The following CTNND2 variants were observed in gnomAD, a reference collection of about 807,000 sequenced individuals.
CTNND2 encodes the protein catenin delta 2, also known as catenin delta-2.
Under a neutral mutation model 144.4 loss-of-function variants are expected in CTNND2, and 22 were observed. That is an observed-to-expected ratio of 0.15 (90% CI 0.11 to 0.22). The LOEUF is 0.22. CTNND2 is among the 10% of genes least tolerant of loss of function. CTNND2 has a pLI of 1.00. For synonymous variants in CTNND2, 751 were observed against 695.6 expected (o/e 1.08, Z -1.25); for missense variants, 1,353 against 1,618.8 (o/e 0.84, Z 2.82).
chr5:11,495,508 TGA>T (rs1319886411), intron 3 of CTNND2, among the ~76,000 whole-genome samples: 1 of 152,096 alleles, frequency 6.6e-6, no homozygotes, highest in Non-Finnish European at 1.5e-5. Context: ...TCAAGTCAAC[TGA>T]GATTTAATCC....
chr5:11,649,745 A>G (rs1782550725), intron 2 of CTNND2, among the ~76,000 whole-genome samples: 1 of 152,184 alleles, frequency 6.6e-6, no homozygotes, highest in Non-Finnish European at 1.5e-5. Context: ...CCAATCATTT[A>G]TGCTCTTCAT....
intron 1 of CTNND2, among the ~76,000 whole-genome samples, chr5:11,869,254 G>A (rs1795914756): frequency 6.6e-6 from 1 of 152,144 alleles, no homozygotes; most frequent in South Asian, 2.1e-4. Context: ...TGAAAACAAA[G>A]ACTCAGATAC....
chr5:11,250,936 T>C (rs1459091220), intron 9 of CTNND2, among the ~76,000 whole-genome samples: 1 of 152,170 alleles, frequency 6.6e-6, no homozygotes, highest in Non-Finnish European at 1.5e-5. Context: ...AAATAATAAA[T>C]GCATCTATGA....
At chr5:11,346,854 T>C (rs566782805) in intron 8 of CTNND2, among the ~76,000 whole-genome samples, 40 of 152,334 alleles carry the variant, frequency 2.6e-4, no homozygotes, top group Admixed American at 2.3e-3. Context: ...GGGGAATGCA[T>C]CTGTTGTGTG....
chr5:11,795,789 G>A (rs1391896713), intron 1 of CTNND2, among the ~76,000 whole-genome samples: 1 of 152,218 alleles, frequency 6.6e-6, no homozygotes, highest in East Asian at 1.9e-4. Flanking sequence ...GTCTTACTCA[G>A]TAAGGTTTCT....
chr5:11,320,923 G>T (rs1363960475), intron 9 of CTNND2, among the ~76,000 whole-genome samples: 1 of 152,152 alleles, frequency 6.6e-6, no homozygotes, highest in African/African-American at 2.4e-5. Context: ...TAAAGAAACA[G>T]AATTTAACAT....
chr5:11,903,743 C>T lies in CTNND2; in HGVS notation c.37+74G>A. 7.0e-7 allele frequency: 1 copy of T among 1,426,726 alleles called. No homozygotes were observed. The highest frequency in any genetic ancestry group is 9.3e-7 in the Non-Finnish European group (1 of 1,080,938). The allele number at this position is 1,426,726 out of a possible 1,614,324, so 88.4% of individuals were successfully genotyped here. ...GGCCGGGAGCCCAGGACCACCCCCA[C>T]CAGCGGCAAGAGGAGGAGGACGGCG... On this transcript the variant is annotated intron_variant, in intron 1 of 21. Transcript: ENST00000304623. This position sits in a 1 kb window ranked among gnomAD's most constrained non-coding sequence, Gnocchi z 5.4.
At chr5:11,689,949 G>A (rs553019821) in intron 2 of CTNND2, among the ~76,000 whole-genome samples, 12 of 152,246 alleles carry the variant, frequency 7.9e-5, no homozygotes, top group South Asian at 2.1e-4. Context: ...TGAATGAATC[G>A]CCATTCTTCT....
intron 3 of CTNND2, among the ~76,000 whole-genome samples, chr5:11,470,981 T>TATATATATATATA (rs58435800): frequency 9.6e-3 from 613 of 63,560 alleles, no homozygotes; most frequent in Middle Eastern, 0.013. Context: ...TATATATATA[T>TATATATATATATA]TTTTTTTTTT....
intron 1 of CTNND2, among the ~76,000 whole-genome samples, chr5:11,818,023 T>C (rs1793101010): frequency 8.7e-6 from 1 of 115,144 alleles, no homozygotes; most frequent in African/African-American, 3.4e-5. Context: ...CTCCATCCAA[T>C]ATCAAAGCCG....
At chr5:11,596,174 T>G (rs993570561) in intron 2 of CTNND2, among the ~76,000 whole-genome samples, 15 of 152,320 alleles carry the variant, frequency 9.8e-5, no homozygotes, top group African/African-American at 3.6e-4. Context: ...ACCTCAGGCA[T>G]AAATTTAAGG....
intron 1 of CTNND2, among the ~76,000 whole-genome samples, chr5:11,882,255 T>C (rs1736174130): frequency 6.6e-6 from 1 of 152,088 alleles, no homozygotes. Flanking sequence ...TTTTTGCTTT[T>C]ATTTCCTATG....
intron 15 of CTNND2, among the ~76,000 whole-genome samples, chr5:11,087,061 G>T (rs1750233725): frequency 6.6e-6 from 1 of 152,174 alleles, no homozygotes; most frequent in South Asian, 2.1e-4. Flanking sequence ...GCAATTAAAT[G>T]ATTTTCAGTT....
intron 1 of CTNND2, among the ~76,000 whole-genome samples, chr5:11,817,988 T>TG (rs1793089454): frequency 5.6e-5 from 3 of 54,038 alleles, no homozygotes; most frequent in African/African-American, 7.9e-5. Context: ...GGTGTTTTTT[T>TG]TTTTTTTTTT....
intron 11 of CTNND2, among the ~76,000 whole-genome samples, 171 bp from the exon 12 acceptor site, chr5:11,159,930 C>T (rs1758600299): frequency 6.6e-6 from 1 of 152,166 alleles, no homozygotes. Flanking sequence ...CCATTAAAAG[C>T]ATTCTGTGAA....
At chr5:11,662,044 C>T (rs549732700) in intron 2 of CTNND2, among the ~76,000 whole-genome samples, 77 of 149,848 alleles carry the variant, frequency 5.1e-4, no homozygotes, top group Admixed American at 3.9e-3. Context: ...CACACACACA[C>T]ATATATATAC....
chr5:11,593,512 T>G (rs1443396379), intron 2 of CTNND2, among the ~76,000 whole-genome samples: 1 of 152,188 alleles, frequency 6.6e-6, no homozygotes, highest in East Asian at 1.9e-4. Context: ...GTAGCTCCCG[T>G]AATTCCCAGG....
intron 16 of CTNND2, among the ~76,000 whole-genome samples, chr5:11,074,300 A>G (rs1748677160): frequency 6.6e-6 from 1 of 152,172 alleles, no homozygotes; most frequent in Middle Eastern, 3.2e-3. Flanking sequence ...AGGACTCTAA[A>G]TGTTTCTTAG....
At chr5:11,576,515 G>C (rs1008755558) in intron 2 of CTNND2, among the ~76,000 whole-genome samples, 1 of 151,810 alleles carries the variant, frequency 6.6e-6, no homozygotes, top group Non-Finnish European at 1.5e-5. Context: ...ACCAAGAAAT[G>C]TATGTAAAAC....
Sources: allele counts gnomAD v4.1 joint callset (sites outside exome capture counted in the v4.1 genomes callset), GRCh38; gene constraint gnomAD v4.1.1; non-coding constraint Gnocchi (gnomAD v3.1); transcripts MANE v1.5; gene names NCBI Gene and HGNC (gene_info 2026-07-23, HGNC 2026-07-21).